The following PPP2R2B variants were observed in gnomAD, a reference collection of about 807,000 sequenced individuals.
PPP2R2B encodes the protein serine/threonine-protein phosphatase 2A 55 kDa regulatory subunit B beta isoform.
PPP2R2B carries 5 observed loss-of-function variants against 46.0 expected under a neutral mutation model. That is an observed-to-expected ratio of 0.11 (90% confidence interval 0.06 to 0.23). The LOEUF is 0.23. Ranked by LOEUF, PPP2R2B falls within the 10% of genes least tolerant of loss-of-function variation. PPP2R2B has a pLI of 1.00. For synonymous variants in PPP2R2B, 215 were observed against 206.7 expected (o/e 1.04, Z -0.34); for missense variants, 367 against 575.0 (o/e 0.64, Z 3.70).
upstream of PPP2R2B, among the ~76,000 whole-genome samples, chr5:147,058,898 C>T (rs2151906625): frequency 6.6e-6 from 1 of 152,284 alleles, no homozygotes; most frequent in South Asian, 2.1e-4. Context: ...ACCTGATGAG[C>T]TAATGAAGAA....
intron 1 of PPP2R2B, among the ~76,000 whole-genome samples, chr5:146,967,253 C>T (rs1166635209): frequency 1.3e-5 from 2 of 152,148 alleles, no homozygotes. Flanking sequence ...GCCTTTCTCC[C>T]AAGCTAAATC....
chr5:146,689,033 T>C (rs536055314), intron 5 of PPP2R2B, among the ~76,000 whole-genome samples: 3 of 152,164 alleles, frequency 2.0e-5, no homozygotes, highest in Non-Finnish European at 2.9e-5. Context: ...AATACAACAG[T>C]ATAAAAAGTA....
intron 2 of PPP2R2B, among the ~76,000 whole-genome samples, chr5:146,761,015 C>A (rs550134981): frequency 2.0e-5 from 3 of 152,272 alleles, no homozygotes; most frequent in African/African-American, 7.2e-5. Flanking sequence ...CAGGAAACAA[C>A]AGGTGCTGGA....
At chr5:146,783,871 G>A (rs1755683440) in intron 2 of PPP2R2B, among the ~76,000 whole-genome samples, 1 of 152,206 alleles carries the variant, frequency 6.6e-6, no homozygotes, top group South Asian at 2.1e-4. Context: ...AGAAGGCTGT[G>A]CTTCTGCCTC....
intron 2 of PPP2R2B, among the ~76,000 whole-genome samples, chr5:146,833,270 G>A (rs932219957): frequency 6.6e-6 from 1 of 151,996 alleles, no homozygotes; most frequent in Admixed American, 6.6e-5. Flanking sequence ...TTTCTACAAA[G>A]GGAATTTTTA....
chr5:146,590,256 T>G, intron 9 of PPP2R2B, 30 bp from the exon 10 acceptor site: 1 of 1,536,414 alleles, frequency 6.5e-7, no homozygotes, highest in Non-Finnish European at 8.6e-7. Flanking sequence ...GGCAATGACA[T>G]ATCTTCACTG....
intron 5 of PPP2R2B, among the ~76,000 whole-genome samples, chr5:146,665,911 G>A (rs187160192): frequency 1.1e-4 from 16 of 152,270 alleles, no homozygotes; most frequent in Non-Finnish European, 2.2e-4. Context: ...CATGCTGCTC[G>A]AAAAATGGTG....
At chr5:146,812,307 T>C (rs1757599597) in intron 2 of PPP2R2B, among the ~76,000 whole-genome samples, 1 of 150,240 alleles carries the variant, frequency 6.7e-6, no homozygotes, top group South Asian at 2.1e-4. Flanking sequence ...TAACAAAGTT[T>C]CTCTTCAGCA....
chr5:146,789,655 T>C (rs1206153195), intron 2 of PPP2R2B, among the ~76,000 whole-genome samples: 2 of 151,850 alleles, frequency 1.3e-5, no homozygotes, highest in African/African-American at 4.8e-5. Context: ...AGGCAATACA[T>C]CTAAGAAATA....
intron 1 of PPP2R2B, among the ~76,000 whole-genome samples, chr5:146,894,738 C>A (rs1762593873): frequency 6.6e-6 from 1 of 152,340 alleles, no homozygotes; most frequent in Middle Eastern, 3.4e-3. Context: ...CCACACCTAG[C>A]CTGCCTCTGG....
At chr5:146,838,465 G>A (rs377410804) in intron 2 of PPP2R2B, among the ~76,000 whole-genome samples, 34 of 151,948 alleles carry the variant, frequency 2.2e-4, no homozygotes, top group African/African-American at 6.5e-4. Flanking sequence ...CAGTTACTTC[G>A]GAGGCTGAGG....
chr5:147,017,077 T>C (rs556153112), intron 1 of PPP2R2B, among the ~76,000 whole-genome samples: 4 of 151,472 alleles, frequency 2.6e-5, no homozygotes, highest in East Asian at 4.2e-4. Context: ...AATACAAGAA[T>C]AAAGGCAAAC....
chr5:147,036,368 G>T (rs958138853), intron 1 of PPP2R2B, among the ~76,000 whole-genome samples: 1 of 152,168 alleles, frequency 6.6e-6, no homozygotes, highest in East Asian at 1.9e-4. Flanking sequence ...TGGCTGCACA[G>T]TATTCCATGG....
intron 7 of PPP2R2B, among the ~76,000 whole-genome samples, chr5:146,630,606 T>G (rs1774361618): frequency 1.3e-5 from 2 of 152,188 alleles, no homozygotes; most frequent in Non-Finnish European, 2.9e-5. Flanking sequence ...CTCATAGGGT[T>G]GTTATCAGGA....
chr5:146,683,411 C>T (rs1778299984), intron 5 of PPP2R2B, among the ~76,000 whole-genome samples: 1 of 152,228 alleles, frequency 6.6e-6, no homozygotes, highest in Non-Finnish European at 1.5e-5. Context: ...AGCATTACCA[C>T]TTACTAGCCG....
intron 5 of PPP2R2B, among the ~76,000 whole-genome samples, chr5:146,674,961 T>C (rs533195795): frequency 6.6e-6 from 1 of 152,214 alleles, no homozygotes; most frequent in African/African-American, 2.4e-5. Context: ...TATTATATTA[T>C]TATTATTGTT....
At chr5:146,646,851 G>A (rs986118126) in intron 6 of PPP2R2B, among the ~76,000 whole-genome samples, 17 of 152,240 alleles carry the variant, frequency 1.1e-4, no homozygotes, top group African/African-American at 2.6e-4. Context: ...GTGTGCGTGC[G>A]TATGTGTGTG....
At chr5:146,991,657 T>C (rs141274669) in intron 1 of PPP2R2B, among the ~76,000 whole-genome samples, 54 of 151,740 alleles carry the variant, frequency 3.6e-4, no homozygotes, top group African/African-American at 1.3e-3. Context: ...TATTATACCA[T>C]ATACACAAGC....
At chr5:146,935,916 A>G (rs1764124612) in intron 1 of PPP2R2B, among the ~76,000 whole-genome samples, 1 of 152,136 alleles carries the variant, frequency 6.6e-6, no homozygotes, top group African/African-American at 2.4e-5. Flanking sequence ...AAGTTATGCC[A>G]CTTCTAAGAC....
Sources: gnomAD v4.1 joint callset for allele counts (sites outside exome capture counted in the v4.1 genomes callset) on GRCh38, gnomAD v4.1.1 for gene constraint, MANE v1.5 for transcripts, NCBI Gene and HGNC (gene_info 2026-07-23, HGNC 2026-07-21) for gene names.